CBFA2T2: variants seen among roughly 807,000 people sequenced by gnomAD.
The protein encoded by CBFA2T2 is CBFA2/RUNX1 partner transcriptional co-repressor 2.
CBFA2T2 carries 11 observed loss-of-function variants against 62.2 expected under a neutral mutation model. The observed-to-expected ratio is 0.18, with a 90% confidence interval of 0.11 to 0.29. The LOEUF is 0.29. CBFA2T2 is among the 10% of genes least tolerant of loss of function. CBFA2T2 has a pLI of 1.00. For missense variants in CBFA2T2, 592 were observed against 774.1 expected, an observed-to-expected ratio of 0.76 and a Z score of 2.79; for synonymous variants, 295 against 287.5, an observed-to-expected ratio of 1.03 and a Z score of -0.27.
intron 1 of CBFA2T2, among the ~76,000 whole-genome samples, chr20:33,565,011 C>T (rs1230926221): frequency 6.6e-6 from 1 of 152,116 alleles, no homozygotes; most frequent in Non-Finnish European, 1.5e-5. Context: ...GCTCCACCTC[C>T]CCGGTTCATG....
At chr20:33,559,193 T>TTTTTTTTTTTTTTTTTTTTTTTTTTTTC (rs1555835221) in intron 1 of CBFA2T2, among the ~76,000 whole-genome samples, 1 of 143,928 alleles carries the variant, frequency 6.9e-6, no homozygotes, top group African/African-American at 2.8e-5. Flanking sequence ...TTTTTTTTTT[T>TTTTTTTTTTTTTTTTTTTTTTTTTTTTC]CTGAGATGGA....
chr20:33,635,897 T>G (rs1346912253), intron 8 of CBFA2T2, among the ~76,000 whole-genome samples: 2 of 151,234 alleles, frequency 1.3e-5, no homozygotes, highest in East Asian at 3.9e-4. Context: ...AAAAAGTAAT[T>G]TGTAAAAATG....
chr20:33,518,700 T>A (rs2011647782), intron 1 of CBFA2T2, among the ~76,000 whole-genome samples: 2 of 149,144 alleles, frequency 1.3e-5, no homozygotes. Context: ...TGAACCCGAG[T>A]GGCAGAGGTT....
At chr20:33,610,542 T>C (rs1343557041) in intron 2 of CBFA2T2, among the ~76,000 whole-genome samples, 1 of 152,210 alleles carries the variant, frequency 6.6e-6, no homozygotes, top group East Asian at 1.9e-4. Flanking sequence ...CTGGCTCTAA[T>C]GGACATGAGT....
chr20:33,527,368 ATTT>A (rs66870528), intron 1 of CBFA2T2, among the ~76,000 whole-genome samples: 20 of 74,444 alleles, frequency 2.7e-4, no homozygotes, highest in African/African-American at 6.5e-4. Context: ...GGCCCGACTG[ATTT>A]TTTTTTTTTT....
At position 33,535,666 on chromosome 20, in the gene CBFA2T2, TTTTA is replaced by T. The variant is rs559246712; in HGVS notation, c.34+45381_34+45384del. On this transcript the variant is annotated intron_variant, in intron 1 of 10. Coordinates refer to ENST00000342704, the MANE Select transcript of CBFA2T2 (RefSeq NM_001032999.3). ...TTAAATATTTATTTATTTTATTTTA[TTTTA>T]TTTATTTATTTATTTTTAATTGATC... Among the ~76,000 whole-genome samples the T allele has an allele frequency of 3.5e-3, 513 of 148,138 alleles. 4 individuals are homozygous for T. Among genetic ancestry groups the T allele is most frequent in the African/African-American group, 0.012 (463 of 39,444 alleles).
At chr20:33,544,593 G>C (rs1298717672) in intron 1 of CBFA2T2, among the ~76,000 whole-genome samples, 1 of 151,962 alleles carries the variant, frequency 6.6e-6, no homozygotes, top group Admixed American at 6.6e-5. Context: ...TGTCACCCAG[G>C]CTGGAGCGTA....
intron 1 of CBFA2T2, among the ~76,000 whole-genome samples, chr20:33,595,476 C>T (rs2014845777): frequency 6.6e-6 from 1 of 152,160 alleles, no homozygotes; most frequent in South Asian, 2.1e-4. Flanking sequence ...TCCCAAAGTG[C>T]TGGGATTACA....
chr20:33,502,983 C>G (rs1266741822), intron 1 of CBFA2T2, among the ~76,000 whole-genome samples: 1 of 147,388 alleles, frequency 6.8e-6, no homozygotes, highest in Non-Finnish European at 1.5e-5. Flanking sequence ...CCCAGCTACT[C>G]CGGAGGCTGA....
chr20:33,554,523 A>C (rs2012832682), intron 1 of CBFA2T2, among the ~76,000 whole-genome samples: 1 of 151,058 alleles, frequency 6.6e-6, no homozygotes, highest in Non-Finnish European at 1.5e-5. Flanking sequence ...TGCTGGGGTT[A>C]CAGGGGTGAG....
intron 2 of CBFA2T2, among the ~76,000 whole-genome samples, chr20:33,608,187 C>T (rs1417946063): frequency 6.6e-6 from 1 of 152,204 alleles, no homozygotes; most frequent in Non-Finnish European, 1.5e-5. Context: ...TACATGCACA[C>T]AAGTGTCTTG....
chr20:33,629,114 T>G (rs759066192), intron 7 of CBFA2T2, among the ~76,000 whole-genome samples: 2 of 152,188 alleles, frequency 1.3e-5, no homozygotes, highest in African/African-American at 2.4e-5. Flanking sequence ...TCATTTGTAT[T>G]TGTTAAATTT....
In CBFA2T2 at chr20:33,646,549, T is replaced by C. The variant is rs969367105; in HGVS notation, c.*1903T>C. 2.0e-5 allele frequency: 3 copies of C among 152,142 alleles called. No homozygotes were observed. The highest frequency in any genetic ancestry group is 4.8e-5 in the African/African-American group (2 of 41,432). 9.4% of individuals were successfully genotyped at this position (152,142 alleles called of 1,614,324 possible). A position where few individuals can be genotyped will look rare whatever the true frequency, so the allele number is the denominator to read the frequency against. ...AGCCTTCTCCTTGGATACAGGTACA[T>C]CTTACTGTAAGAATTTCAAGTCCTG... On this transcript the variant is annotated 3_prime_UTR_variant, in exon 11 of 11. Transcript: ENST00000342704.
At chr20:33,557,858 A>G (rs1287674040) in intron 1 of CBFA2T2, among the ~76,000 whole-genome samples, 3 of 151,620 alleles carry the variant, frequency 2.0e-5, no homozygotes, top group African/African-American at 7.3e-5. Context: ...GTTTTGAGAC[A>G]AAAATCTTGC....
intron 1 of CBFA2T2, among the ~76,000 whole-genome samples, chr20:33,575,682 T>C (rs985668107): frequency 1.3e-5 from 2 of 152,154 alleles, no homozygotes; most frequent in South Asian, 2.1e-4. Flanking sequence ...GAACTATGGT[T>C]ATAAGAGTGA....
rs146234140 is a variant in CBFA2T2 at position 33,649,819 on chromosome 20, G to A, written c.*5173G>A. 2.9e-4 allele frequency: 45 copies of A among 152,716 alleles called. No homozygotes were observed. The highest frequency in any genetic ancestry group is 5.8e-4 in the East Asian group (3 of 5,188). 9.5% of individuals were successfully genotyped at this position (152,716 alleles called of 1,614,324 possible). A position where few individuals can be genotyped will look rare whatever the true frequency, so the allele number is the denominator to read the frequency against. On this transcript the variant is annotated 3_prime_UTR_variant, in exon 11 of 11. Coordinates refer to ENST00000342704, the MANE Select transcript of CBFA2T2 (RefSeq NM_001032999.3). Reference sequence around the variant, plus strand: ...TAAATAGAAAACGAAGCCTCCACGCGTGGTTTTTAAAGGGGGATGATGAAT... The same window carrying A: ...TAAATAGAAAACGAAGCCTCCACGCATGGTTTTTAAAGGGGGATGATGAAT...
intron 1 of CBFA2T2, among the ~76,000 whole-genome samples, chr20:33,587,546 G>A (rs189272070): frequency 0.017 from 2,539 of 152,002 alleles, 64 homozygotes; most frequent in African/African-American, 0.059. Flanking sequence ...GATTACAGGC[G>A]TGAGCCACCG....
chr20:33,513,228 A>G (rs2011539622), intron 1 of CBFA2T2, among the ~76,000 whole-genome samples: 1 of 152,198 alleles, frequency 6.6e-6, no homozygotes, highest in African/African-American at 2.4e-5. Flanking sequence ...CATCCTCTCC[A>G]GACTAACAAC....
At chr20:33,634,158 G>A (rs891545396) in intron 8 of CBFA2T2, among the ~76,000 whole-genome samples, 10 of 151,994 alleles carry the variant, frequency 6.6e-5, no homozygotes, top group African/African-American at 1.9e-4. Flanking sequence ...TAGTAAAGAC[G>A]GGGTTTCACC....
Sources: allele counts gnomAD v4.1 joint callset (sites outside exome capture counted in the v4.1 genomes callset), GRCh38; gene constraint gnomAD v4.1.1; transcripts MANE v1.5; gene names NCBI Gene and HGNC (gene_info 2026-07-23, HGNC 2026-07-21).